GCNT2: variants seen among roughly 807,000 people sequenced by gnomAD.
GCNT2 encodes the protein N-acetyllactosaminide beta-1,6-N-acetylglucosaminyl-transferase.
A neutral mutation model predicts 34.2 loss-of-function variants in GCNT2; 34 were observed. The observed-to-expected ratio is 1.00, with a 90% CI of 0.76 to 1.32. The LOEUF (loss-of-function observed/expected upper bound fraction) is 1.32, where lower values mean the gene tolerates loss of function less well. Among genes scored for constraint, GCNT2 ranks in the 40% most tolerant of loss-of-function variants. GCNT2 has a pLI of 0.00. For synonymous variants in GCNT2, 212 were observed against 188.0 expected, an observed-to-expected ratio of 1.13 and a Z score of -1.04; for missense variants, 584 against 489.4, an observed-to-expected ratio of 1.19 and a Z score of -1.82.
intron 3 of GCNT2, among the ~76,000 whole-genome samples, chr6:10,568,214 C>T (rs1346840343): frequency 6.6e-6 from 1 of 152,000 alleles, no homozygotes; most frequent in Non-Finnish European, 1.5e-5. Context: ...GCCACATCTC[C>T]TTGTTTTTTG....
rs555430684 is a variant in GCNT2, at chr6:10,627,378, A to G, written c.*771A>G. On this transcript the variant is annotated 3_prime_UTR_variant, in exon 5 of 5. Transcript: ENST00000495262. ...GAGATATGCATTCAAGAGAGGTGCT[A>G]TCACATAGATCTAGTCTGAAGTCTG... 2.0e-5 allele frequency: 3 copies of G among 152,354 alleles called. No individual in the cohort carries two copies. The East Asian group carries it at 5.8e-4, about 29-fold the overall frequency. 9.4% of individuals were successfully genotyped at this position (152,354 alleles called of 1,614,324 possible).
At chr6:10,572,493 G>C (rs775862625) in intron 3 of GCNT2, among the ~76,000 whole-genome samples, 14 of 152,150 alleles carry the variant, frequency 9.2e-5, no homozygotes, top group Admixed American at 1.3e-4. Flanking sequence ...GGAGGTCAAG[G>C]AGGCCAAGGC....
intron 3 of GCNT2, among the ~76,000 whole-genome samples, chr6:10,585,032 AGT>A (rs57538079): frequency 0.36 from 45,995 of 126,854 alleles, 7,758 homozygotes; most frequent in Admixed American, 0.4. Flanking sequence ...TCCCATAGTC[AGT>A]GTGTGTGTGT....
Position 10,626,850 on chromosome 6 carries a change from C to A in GCNT2, c.*243C>A. On this transcript the variant is annotated 3_prime_UTR_variant, in exon 5 of 5. Coordinates refer to ENST00000495262, the MANE Select transcript of GCNT2 (RefSeq NM_145649.5). ...TAGTCTTGCTGTTTCTTGATGCTCA[C>A]CTCTATATTAGTTTATTGTTAGGAT... is the stretch of plus-strand genomic sequence containing the variant. 1.9e-6 allele frequency: 1 copy of A among 525,852 alleles called. No homozygotes were observed. Among genetic ancestry groups the A allele is most frequent in the Non-Finnish European group, 3.4e-6 (1 of 291,048 alleles). 32.6% of individuals were successfully genotyped at this position (525,852 alleles called of 1,614,324 possible).
At chr6:10,604,988 A>T (rs1765247595) in intron 3 of GCNT2, among the ~76,000 whole-genome samples, 1 of 152,072 alleles carries the variant, frequency 6.6e-6, no homozygotes, top group Non-Finnish European at 1.5e-5. Context: ...CTATAAAAAA[A>T]TTTAAAAATT....
In GCNT2 at chr6:10,530,881, C is replaced by T. The variant is rs150743413; in HGVS notation, c.925+1045C>T. Reference sequence around the variant, plus strand: ...CAGCCTGGCCAACATGGTGAAACCCCGTCTCTACTAAAAATACCAAAAATT... The same window carrying T: ...CAGCCTGGCCAACATGGTGAAACCCTGTCTCTACTAAAAATACCAAAAATT... On this transcript the variant is annotated intron_variant, in intron 3 of 4. Transcript: ENST00000495262. Among the ~76,000 whole-genome samples the T allele has an allele frequency of 6.9e-4, 105 of 151,362 alleles. 1 individual carries two copies. Among genetic ancestry groups the T allele is most frequent in the African/African-American group, 2.4e-3 (100 of 41,242 alleles).
rs535528505 is a variant in GCNT2, at chr6:10,562,667, A to C, written c.925+32831A>C. On this transcript the variant is annotated intron_variant, in intron 3 of 4. Coordinates refer to ENST00000495262, the MANE Select transcript of GCNT2 (RefSeq NM_145649.5). ...GTCAGAACTTCTCTGAAAAAAAAAA[A>C]AAAAAAAAAACAAAAAAAAACCCAC... Among the ~76,000 whole-genome samples, 132 of 149,456 alleles carry C rather than the reference A, an allele frequency of 8.8e-4. 1 individual carries two copies. The highest frequency in any genetic ancestry group is 2.9e-3 in the Admixed American group (44 of 15,150).
chr6:10,529,977 G>C (rs561888804), intron 3 of GCNT2, 141 bp downstream of exon 3: 2 of 682,556 alleles, frequency 2.9e-6, no homozygotes, highest in Non-Finnish European at 5.0e-6. Flanking sequence ...AATTTCATCT[G>C]TAAAATGGTA....
rs1243755832 is a variant in GCNT2, at chr6:10,528,436, T to C, written c.-281-195T>C. The C allele has an allele frequency of 1.5e-5, 3 of 197,648 alleles. No individual in the cohort carries two copies. The East Asian group carries it at 3.5e-4, about 23-fold the overall frequency. The allele number at this position is 197,648 out of a possible 1,614,324, so 12.2% of individuals were successfully genotyped here. On this transcript the variant is annotated intron_variant, in intron 2 of 4. Coordinates refer to ENST00000495262, the MANE Select transcript of GCNT2 (RefSeq NM_145649.5). Reference sequence around the variant, plus strand: ...GCAGTTTAAGCAAATAAACTCAGGCTGTTGAACACAATGATTAACAGGAAG... The same window carrying C: ...GCAGTTTAAGCAAATAAACTCAGGCCGTTGAACACAATGATTAACAGGAAG...
At chr6:10,548,406 C>T (rs1029928117) in intron 3 of GCNT2, among the ~76,000 whole-genome samples, 2 of 152,168 alleles carry the variant, frequency 1.3e-5, no homozygotes, top group Non-Finnish European at 2.9e-5. Context: ...CAAAGCCGTT[C>T]ACATTCAGGT....
At chr6:10,617,386 C>G (rs996492414) in intron 3 of GCNT2, among the ~76,000 whole-genome samples, 1 of 152,182 alleles carries the variant, frequency 6.6e-6, no homozygotes, top group South Asian at 2.1e-4. Context: ...CTGGTTCCCG[C>G]CGGCGCCTCT....
chr6:10,560,125 G>A (rs1351873323), intron 3 of GCNT2, among the ~76,000 whole-genome samples: 2 of 152,144 alleles, frequency 1.3e-5, no homozygotes, highest in Non-Finnish European at 2.9e-5. Flanking sequence ...GTCTCACTCT[G>A]TAGCCCAGGC....
intron 1 of GCNT2, among the ~76,000 whole-genome samples, chr6:10,526,869 G>C (rs1761218613): frequency 6.6e-6 from 1 of 152,178 alleles, no homozygotes; most frequent in Non-Finnish European, 1.5e-5. Flanking sequence ...TCATCCTAAA[G>C]CTTTGGGACC....
intron 3 of GCNT2, among the ~76,000 whole-genome samples, chr6:10,561,316 C>T (rs543331111): frequency 2.0e-5 from 3 of 152,282 alleles, no homozygotes; most frequent in South Asian, 4.1e-4. Flanking sequence ...GCATGTGCCA[C>T]CATGCCTGGC....
At chr6:10,571,920 T>A (rs1229143032) in intron 3 of GCNT2, among the ~76,000 whole-genome samples, 1 of 152,178 alleles carries the variant, frequency 6.6e-6, no homozygotes, top group African/African-American at 2.4e-5. Context: ...CCTGAGATAA[T>A]GATTTGAATG....
At chr6:10,570,627 C>A (rs1003791533) in intron 3 of GCNT2, among the ~76,000 whole-genome samples, 1 of 152,156 alleles carries the variant, frequency 6.6e-6, no homozygotes, top group Non-Finnish European at 1.5e-5. Flanking sequence ...ATAACTCTTC[C>A]TTCACTGAAA....
intron 3 of GCNT2, among the ~76,000 whole-genome samples, chr6:10,588,244 C>T (rs1341287414): frequency 6.6e-6 from 1 of 152,148 alleles, no homozygotes; most frequent in Non-Finnish European, 1.5e-5. Context: ...GGGTGGTGAA[C>T]CAACATTTAT....
intron 3 of GCNT2, among the ~76,000 whole-genome samples, chr6:10,553,170 G>C (rs762565414): frequency 2.6e-5 from 4 of 152,142 alleles, no homozygotes; most frequent in African/African-American, 7.2e-5. Context: ...GTGTGCATTC[G>C]TACATGCAAT....
At chr6:10,587,527 C>A (rs1364926073) in intron 3 of GCNT2, among the ~76,000 whole-genome samples, 1 of 152,142 alleles carries the variant, frequency 6.6e-6, no homozygotes, top group Non-Finnish European at 1.5e-5. Flanking sequence ...TTGGAACATA[C>A]GGAGAGAGAA....
Sources: allele counts gnomAD v4.1 joint callset (sites outside exome capture counted in the v4.1 genomes callset), GRCh38; gene constraint gnomAD v4.1.1; transcripts MANE v1.5; gene names NCBI Gene and HGNC (gene_info 2026-07-23, HGNC 2026-07-21).